RPIA: variants seen among roughly 807,000 people sequenced by gnomAD.
RPIA encodes ribose-5-phosphate isomerase.
Under a neutral mutation model 37.8 loss-of-function variants are expected in RPIA, and 29 were observed. The ratio of observed to expected loss-of-function variants is 0.77; its 90% CI spans 0.57 to 1.05. The LOEUF is 1.05. Among genes scored for constraint, RPIA ranks in the 50% least tolerant of loss-of-function variants. The probability of loss-of-function intolerance (pLI) is 0.00; values close to 1 mark genes in which losing one functional copy is unlikely to be tolerated. For synonymous variants in RPIA, 167 were observed against 157.0 expected (o/e 1.06, Z -0.48); for missense variants, 385 against 413.6 (o/e 0.93, Z 0.60).
intron 2 of RPIA, among the ~76,000 whole-genome samples, chr2:88,699,217 C>T (rs1457808455): frequency 6.6e-6 from 1 of 152,168 alleles, no homozygotes; most frequent in Non-Finnish European, 1.5e-5. Context: ...CTTCTGGAAG[C>T]CTTCTCACTG....
chr2:88,719,697 G>A (rs959336437), intron 3 of RPIA, among the ~76,000 whole-genome samples: 3 of 151,992 alleles, frequency 2.0e-5, no homozygotes, highest in African/African-American at 4.8e-5. Context: ...CAAACAATAA[G>A]CCCTAATCAA....
intron 3 of RPIA, among the ~76,000 whole-genome samples, chr2:88,727,839 A>T (rs934036757): frequency 6.6e-6 from 1 of 152,220 alleles, no homozygotes; most frequent in African/African-American, 2.4e-5. Context: ...TTTCTCTTTG[A>T]TAAGTTCAAA....
chr2:88,737,873 C>T, intron 7 of RPIA, 104 bp from the exon 8 acceptor site: 1 of 807,354 alleles, frequency 1.2e-6, no homozygotes, highest in Non-Finnish European at 2.2e-6. Context: ...AAGGTGGGAG[C>T]AGGTTAAAAT....
intron 3 of RPIA, among the ~76,000 whole-genome samples, chr2:88,719,775 T>G (rs1673097089): frequency 6.6e-6 from 1 of 152,190 alleles, no homozygotes; most frequent in Non-Finnish European, 1.5e-5. Flanking sequence ...ATCTTGAACA[T>G]AAGATATAAC....
Position 88,691,983 on chromosome 2 carries a change from G to A in RPIA, c.285G>A (p.Arg95=), listed in dbSNP as rs1202275045. 3 of 1,585,930 alleles carry A rather than the reference G, an allele frequency of 1.9e-6. No homozygotes were observed. Among genetic ancestry groups the A allele is most frequent in the Non-Finnish European group, 2.6e-6 (3 of 1,167,648 alleles). The part of the protein sequence containing the change: ...AGRAAVENHV[R]NNQVLGIGSG... ...GCGCGGCTGTGGAGAACCACGTGAG[G>A]GTGAGCACTTCGAAACGTGGGGCGC... Residue 95 remains arginine (R), a splice_region_variant and synonymous_variant, in exon 1 of 9, where the codon AGG becomes AGA. Coordinates refer to ENST00000283646, the MANE Select transcript of RPIA (RefSeq NM_144563.3).
intron 8 of RPIA, among the ~76,000 whole-genome samples, chr2:88,748,318 A>G (rs1007000956): frequency 2.0e-5 from 3 of 152,156 alleles, no homozygotes; most frequent in African/African-American, 7.2e-5. Context: ...GAATACCTGC[A>G]TGTATTCCAC....
chr2:88,705,279 A>G (rs1414178182), intron 3 of RPIA, among the ~76,000 whole-genome samples: 4 of 152,234 alleles, frequency 2.6e-5, no homozygotes, highest in Non-Finnish European at 5.9e-5. Context: ...AGCAAAAAGA[A>G]CAAAGCTGGA....
intron 8 of RPIA, among the ~76,000 whole-genome samples, chr2:88,740,147 G>T (rs945422780): frequency 2.0e-5 from 3 of 152,088 alleles, no homozygotes; most frequent in Non-Finnish European, 4.4e-5. Flanking sequence ...AGGAGGAAAG[G>T]GCTCACCAAT....
rs201445359 is a variant in RPIA, at chr2:88,711,655, G to C, written c.402+11591G>C. ...AGGAAAAGACCTGGAAAGGGAAGGG[G>C]ATTCTTTACAGAATGTAGATTTTTT... On this transcript the variant is annotated intron_variant, in intron 3 of 8. Coordinates refer to ENST00000283646, the MANE Select transcript of RPIA (RefSeq NM_144563.3). Among the ~76,000 whole-genome samples, 30 of 152,294 alleles carry C rather than the reference G, an allele frequency of 2.0e-4. 1 individual carries two copies. In the East Asian group the frequency reaches 5.8e-3, roughly 29 times the overall value.
At chr2:88,722,928 A>C (rs750585748) in intron 3 of RPIA, among the ~76,000 whole-genome samples, 1 of 152,262 alleles carries the variant, frequency 6.6e-6, no homozygotes, top group Non-Finnish European at 1.5e-5. Flanking sequence ...GTGGAAGAGA[A>C]GTAAATGAAA....
At chr2:88,712,533 T>C (rs1182597939) in intron 3 of RPIA, among the ~76,000 whole-genome samples, 1 of 152,238 alleles carries the variant, frequency 6.6e-6, no homozygotes, top group African/African-American at 2.4e-5. Context: ...ACCCTCCCTC[T>C]CCTCTCCTAA....
chr2:88,700,653 C>T (rs1021033917), intron 3 of RPIA, among the ~76,000 whole-genome samples: 4 of 149,704 alleles, frequency 2.7e-5, no homozygotes, highest in African/African-American at 9.8e-5. Context: ...GACCCTGTCT[C>T]AAGAAAAAAA....
At chr2:88,698,639 C>T in intron 2 of RPIA, 95 bp downstream of exon 2, 1 of 1,140,794 alleles carries the variant, frequency 8.8e-7, no homozygotes, top group East Asian at 2.3e-5. Context: ...TTTGGCATTG[C>T]CCTTTTGGCT....
chr2:88,695,843 T>A (rs556331595), intron 1 of RPIA, among the ~76,000 whole-genome samples: 13 of 152,296 alleles, frequency 8.5e-5, no homozygotes, highest in African/African-American at 3.1e-4. Context: ...ACACAAAAGT[T>A]GTTGGATAAA....
chr2:88,709,252 A>G (rs1672934273), intron 3 of RPIA, among the ~76,000 whole-genome samples: 1 of 152,188 alleles, frequency 6.6e-6, no homozygotes, highest in Non-Finnish European at 1.5e-5. Flanking sequence ...CTTCGACGAT[A>G]TTTTCCTCCT....
chr2:88,740,315 A>G (rs1359245095), intron 8 of RPIA, among the ~76,000 whole-genome samples: 1 of 152,244 alleles, frequency 6.6e-6, no homozygotes, highest in Admixed American at 6.5e-5. Context: ...TGCGTCCTAA[A>G]GACGTTCAGA....
intron 8 of RPIA, among the ~76,000 whole-genome samples, chr2:88,746,782 TGG>T (rs1673442413): frequency 1.3e-5 from 2 of 152,204 alleles, no homozygotes; most frequent in Non-Finnish European, 2.9e-5. Context: ...TCAGGATCTC[TGG>T]TTAGCCAGGA....
chr2:88,698,175 G>A (rs1283048147), intron 1 of RPIA, among the ~76,000 whole-genome samples: 7 of 151,152 alleles, frequency 4.6e-5, no homozygotes, highest in Non-Finnish European at 1.0e-4. Context: ...TGAGGGTGAC[G>A]CAAGTTGCTA....
At chr2:88,748,296 C>A (rs1673462148) in intron 8 of RPIA, among the ~76,000 whole-genome samples, 2 of 152,204 alleles carry the variant, frequency 1.3e-5, no homozygotes, top group African/African-American at 4.8e-5. Flanking sequence ...CTTCCTTGTT[C>A]CTTTTTTTTC....
Sources: allele counts gnomAD v4.1 joint callset (sites outside exome capture counted in the v4.1 genomes callset), GRCh38; gene constraint gnomAD v4.1.1; transcripts MANE v1.5; gene names NCBI Gene and HGNC (gene_info 2026-07-23, HGNC 2026-07-21).